BANK1: variants seen among roughly 807,000 people sequenced by gnomAD.
BANK1 encodes the protein B cell scaffold protein with ankyrin repeats 1.
In BANK1, 95 loss-of-function variants were observed where a neutral mutation model predicts 94.5. The ratio of observed to expected loss-of-function variants is 1.00; its 90% CI spans 0.85 to 1.19. BANK1 has a LOEUF of 1.19. Among genes scored for constraint, BANK1 ranks in the 50% most tolerant of loss-of-function variants. BANK1 has a pLI of 0.00. For missense variants in BANK1, 987 were observed against 932.2 expected, an observed-to-expected ratio of 1.06 and a Z score of -0.77; for synonymous variants, 334 against 308.4, an observed-to-expected ratio of 1.08 and a Z score of -0.87.
intron 7 of BANK1, among the ~76,000 whole-genome samples, chr4:102,018,567 T>C (rs62322739): frequency 2.0e-5 from 3 of 152,264 alleles, no homozygotes; most frequent in Admixed American, 6.5e-5. Flanking sequence ...ATTCTCTTTT[T>C]AATTTATCTT....
intron 2 of BANK1, among the ~76,000 whole-genome samples, chr4:101,842,364 A>G (rs531384867): frequency 4.6e-5 from 7 of 152,238 alleles, no homozygotes; most frequent in African/African-American, 1.7e-4. Context: ...TCTAACATTC[A>G]TTAATAAATT....
At chr4:101,987,961 GAT>G (rs1411513810) in intron 7 of BANK1, among the ~76,000 whole-genome samples, 1 of 152,132 alleles carries the variant, frequency 6.6e-6, no homozygotes, top group African/African-American at 2.4e-5. Flanking sequence ...CTGCAGAAGT[GAT>G]CATAGAAGCA....
chr4:101,942,154 A>G (rs138839335), intron 7 of BANK1, among the ~76,000 whole-genome samples: 222 of 151,972 alleles, frequency 1.5e-3, no homozygotes, highest in Non-Finnish European at 2.6e-3. Flanking sequence ...AGCATTTTGC[A>G]TTTTTCTGCT....
At chr4:101,938,171 G>A (rs1723635125) in intron 7 of BANK1, among the ~76,000 whole-genome samples, 1 of 151,630 alleles carries the variant, frequency 6.6e-6, no homozygotes, top group South Asian at 2.1e-4. Context: ...AAACCACCAT[G>A]GCACGTGTAT....
chr4:102,007,086 ATATAT>A (rs1726298179), intron 7 of BANK1, among the ~76,000 whole-genome samples: 2 of 105,898 alleles, frequency 1.9e-5, no homozygotes, highest in Non-Finnish European at 3.7e-5. Flanking sequence ...ATATAAATAT[ATATAT>A]AATATATTTA....
chr4:101,994,390 C>G (rs1224917567), intron 7 of BANK1, among the ~76,000 whole-genome samples: 2 of 152,130 alleles, frequency 1.3e-5, no homozygotes, highest in African/African-American at 2.4e-5. Context: ...CATAAATGAC[C>G]CTTTTGCTTT....
intron 1 of BANK1, among the ~76,000 whole-genome samples, chr4:101,807,196 A>G (rs1356552857): frequency 2.6e-5 from 4 of 152,072 alleles, no homozygotes; most frequent in East Asian, 1.9e-4. Context: ...TTGTTATTCT[A>G]CCTGTCCTCT....
At chr4:101,984,939 G>A (rs894450052) in intron 7 of BANK1, among the ~76,000 whole-genome samples, 1 of 152,062 alleles carries the variant, frequency 6.6e-6, no homozygotes, top group Non-Finnish European at 1.5e-5. Context: ...GAAGAGTGGA[G>A]CAGGATATTT....
Position 101,950,044 on chromosome 4 carries a change from T to C in BANK1, c.1206+31855T>C, listed in dbSNP as rs202204900. 6.6e-4 allele frequency among the ~76,000 whole-genome samples: 55 copies of C among 83,276 alleles called. 1 individual carries two copies. In the South Asian group the frequency reaches 9.3e-3, roughly 14 times the overall value. 54.6% of individuals were successfully genotyped at this position (83,276 alleles called of 152,430 possible). ...GTGTGTGTGTGTGTGTGTGTGTGTG[T>C]GTGTGTGTGTGTGTGTGCGCGTGCG... On this transcript the variant is annotated intron_variant, in intron 7 of 16. Transcript: ENST00000322953.
chr4:101,829,871 C>T lies in BANK1; in HGVS notation c.134C>T (p.Thr45Ile), dbSNP rs747977611. 6 of 1,611,036 alleles carry T rather than the reference C, an allele frequency of 3.7e-6. No homozygotes were observed. In the African/African-American group the frequency reaches 8.0e-5, roughly 22 times the overall value. The change falls in exon 2 of 17, where the codon ACA (threonine) becomes ATA (isoleucine). Residue 45 changes from threonine (T) to isoleucine (I), a missense_variant. By Grantham distance (89) the Thr-to-Ile change is moderately conservative. Transcript: ENST00000322953. ...EDAEEWALYL[T>I]EVFLHVVKRE... ...GCTGAGGAATGGGCTCTGTACTTGA[C>T]AGAAGTATTTTTACATGTTGTGAAA...
intron 6 of BANK1, among the ~76,000 whole-genome samples, chr4:101,907,494 A>C (rs560836861): frequency 7.1e-4 from 108 of 152,244 alleles, no homozygotes; most frequent in Middle Eastern, 3.4e-3. Context: ...AAAACTGGCA[A>C]AAGACAGGGA....
chr4:101,834,196 G>T (rs1726736410), intron 2 of BANK1, among the ~76,000 whole-genome samples: 2 of 152,228 alleles, frequency 1.3e-5, no homozygotes, highest in South Asian at 4.1e-4. Flanking sequence ...ATTCTGCTAT[G>T]TCTTCAAATT....
intron 1 of BANK1, among the ~76,000 whole-genome samples, chr4:101,819,873 A>G (rs1726073017): frequency 6.6e-6 from 1 of 152,206 alleles, no homozygotes; most frequent in Non-Finnish European, 1.5e-5. Context: ...CTATTTGTGT[A>G]TCATCTGTGA....
At chr4:101,893,288 C>A (rs552616576) in intron 5 of BANK1, among the ~76,000 whole-genome samples, 148 of 152,094 alleles carry the variant, frequency 9.7e-4, no homozygotes, top group African/African-American at 3.4e-3. Context: ...GAATTCTCAT[C>A]TGTGTTTTAG....
At chr4:101,932,227 A>G (rs945871822) in intron 7 of BANK1, among the ~76,000 whole-genome samples, 1 of 151,456 alleles carries the variant, frequency 6.6e-6, no homozygotes, top group Non-Finnish European at 1.5e-5. Flanking sequence ...TTTTCCACCA[A>G]TCCCACTCTA....
intron 1 of BANK1, among the ~76,000 whole-genome samples, chr4:101,806,399 A>G (rs1412693071): frequency 6.6e-6 from 1 of 152,234 alleles, no homozygotes; most frequent in Non-Finnish European, 1.5e-5. Flanking sequence ...AATAGGATAG[A>G]TCATCCTCCA....
intron 7 of BANK1, among the ~76,000 whole-genome samples, chr4:102,011,015 A>C (rs1400495988): frequency 6.6e-6 from 1 of 152,246 alleles, no homozygotes; most frequent in Non-Finnish European, 1.5e-5. Flanking sequence ...TTTCAAACAA[A>C]CTAAATAGCA....
At chr4:101,799,889 A>G (rs950213360) in intron 1 of BANK1, among the ~76,000 whole-genome samples, 1 of 151,996 alleles carries the variant, frequency 6.6e-6, no homozygotes, top group African/African-American at 2.4e-5. Flanking sequence ...TAAGTAAATA[A>G]ATAAATAAAA....
At chr4:101,831,134 C>G (rs534353434) in intron 2 of BANK1, among the ~76,000 whole-genome samples, 29 of 152,134 alleles carry the variant, frequency 1.9e-4, no homozygotes, top group Non-Finnish European at 3.5e-4. Context: ...GGGTGTTTCT[C>G]CTACCTTGTC....
Sources: allele counts gnomAD v4.1 joint callset (sites outside exome capture counted in the v4.1 genomes callset), GRCh38; gene constraint gnomAD v4.1.1; transcripts MANE v1.5; gene names NCBI Gene and HGNC (gene_info 2026-07-23, HGNC 2026-07-21).